The following HACE1 variants were observed in gnomAD, a reference collection of about 807,000 sequenced individuals.
HACE1 encodes the protein E3 ubiquitin-protein ligase HACE1.
A neutral mutation model predicts 118.4 loss-of-function variants in HACE1; 73 were observed. That is an observed-to-expected ratio of 0.62 (90% confidence interval 0.51 to 0.75). The LOEUF is 0.75. HACE1 is among the 30% of genes least tolerant of loss of function. The probability of loss-of-function intolerance (pLI) is 0.00; values close to 1 mark genes in which losing one functional copy is unlikely to be tolerated. For missense variants in HACE1, 749 were observed against 1,102.2 expected, an observed-to-expected ratio of 0.68 and a Z score of 4.54; for synonymous variants, 368 against 374.8, an observed-to-expected ratio of 0.98 and a Z score of 0.21.
At chr6:104,777,939 T>C (rs1486940903) in intron 14 of HACE1, among the ~76,000 whole-genome samples, 1 of 152,114 alleles carries the variant, frequency 6.6e-6, no homozygotes, top group Non-Finnish European at 1.5e-5. Flanking sequence ...TTTGTATTTT[T>C]AGTAGAGAGA....
intron 11 of HACE1, chr6:104,785,662 C>T (rs753317242): frequency 7.3e-5 from 18 of 245,924 alleles, no homozygotes; most frequent in Non-Finnish European, 1.3e-4. Context: ...TATATAATCA[C>T]CCTTAACATT....
rs770845513 is a variant in HACE1, at chr6:104,811,298, T to C, written c.617+13A>G. On this transcript the variant is annotated intron_variant, in intron 7 of 23. Coordinates refer to ENST00000262903, the MANE Select transcript of HACE1 (RefSeq NM_020771.4). The stretch of plus-strand genomic sequence containing the variant: ...TGAGCATATATAGCATCTGGAAATA[T>C]AAAATATCATACCTGCAAGCAAAGT... The C allele has an allele frequency of 4.2e-6, 4 of 949,142 alleles. No homozygotes were observed. The highest frequency in any genetic ancestry group is 6.7e-6 in the Non-Finnish European group (4 of 599,162). 58.8% of individuals were successfully genotyped at this position (949,142 alleles called of 1,614,324 possible).
intron 19 of HACE1, among the ~76,000 whole-genome samples, chr6:104,762,043 G>A (rs1268748121): frequency 6.6e-6 from 1 of 152,148 alleles, no homozygotes; most frequent in African/African-American, 2.4e-5. Context: ...AAAAAGTCAG[G>A]AAACAACAGA....
At chr6:104,830,828 G>A (rs1773791060) in intron 6 of HACE1, among the ~76,000 whole-genome samples, 1 of 143,354 alleles carries the variant, frequency 7.0e-6, no homozygotes, top group Admixed American at 7.3e-5. Context: ...AAACAGACCA[G>A]CATGGGGGTT....
chr6:104,831,302 T>C (rs1773844535), intron 6 of HACE1: 1 of 151,972 alleles, frequency 6.6e-6, no homozygotes, highest in African/African-American at 2.4e-5. Flanking sequence ...AGAAAGAAAA[T>C]AGCCAGGCAC....
At chr6:104,791,341 TAGAC>T (rs532881877) in intron 11 of HACE1, among the ~76,000 whole-genome samples, 159 bp downstream of exon 11, 108 of 152,348 alleles carry the variant, frequency 7.1e-4, no homozygotes, top group African/African-American at 2.4e-3. Flanking sequence ...TGCTGTTGAT[TAGAC>T]AGAGTTGAGA....
At chr6:104,759,139 G>C (rs1191129361) in intron 19 of HACE1, among the ~76,000 whole-genome samples, 1 of 152,150 alleles carries the variant, frequency 6.6e-6, no homozygotes, top group East Asian at 1.9e-4. Context: ...AGACAGATCA[G>C]TGAGACAGAA....
At chr6:104,848,005 C>G (rs921749695) in intron 4 of HACE1, among the ~76,000 whole-genome samples, 1 of 151,780 alleles carries the variant, frequency 6.6e-6, no homozygotes, top group Non-Finnish European at 1.5e-5. Context: ...GCATGTGCCA[C>G]CATGCCTGGA....
At chr6:104,837,591 T>A (rs1428705724) in intron 5 of HACE1, among the ~76,000 whole-genome samples, 3 of 151,626 alleles carry the variant, frequency 2.0e-5, no homozygotes, top group African/African-American at 7.3e-5. Flanking sequence ...AGGCAAAGAG[T>A]TCTTGATACC....
At chr6:104,744,746 A>G in intron 20 of HACE1, 136 bp from the exon 21 acceptor site, 3 of 650,468 alleles carry the variant, frequency 4.6e-6, no homozygotes, top group Non-Finnish European at 8.3e-6. Flanking sequence ...CCTGCATGTC[A>G]TCAACAACAA....
chr6:104,800,517 G>A (rs1234126373), intron 7 of HACE1, among the ~76,000 whole-genome samples: 2 of 152,128 alleles, frequency 1.3e-5, no homozygotes, highest in Non-Finnish European at 2.9e-5. Flanking sequence ...AGCTTCCAGA[G>A]GAAGGAACAG....
intron 11 of HACE1, chr6:104,787,516 A>G (rs557466838): frequency 6.6e-6 from 1 of 152,382 alleles, no homozygotes; most frequent in East Asian, 1.9e-4. Context: ...ATTTAGCTTT[A>G]TATCAGAAAA....
chr6:104,816,024 G>A (rs1386168332), intron 6 of HACE1, among the ~76,000 whole-genome samples: 1 of 150,566 alleles, frequency 6.6e-6, no homozygotes, highest in Non-Finnish European at 1.5e-5. Flanking sequence ...AGTGAGCCGA[G>A]ATCACTGCAT....
intron 1 of HACE1, among the ~76,000 whole-genome samples, chr6:104,856,335 C>CT (rs1439728504): frequency 6.6e-6 from 1 of 152,118 alleles, no homozygotes; most frequent in Non-Finnish European, 1.5e-5. Context: ...ATCACATATG[C>CT]TAAAATGGGC....
chr6:104,795,130 A>G (rs1292755187), intron 10 of HACE1, among the ~76,000 whole-genome samples: 1 of 152,182 alleles, frequency 6.6e-6, no homozygotes, highest in African/African-American at 2.4e-5. Flanking sequence ...AAACCACAGG[A>G]TCTTTTAGAA....
chr6:104,838,958 T>C (rs1025726976), intron 5 of HACE1, among the ~76,000 whole-genome samples: 13 of 145,214 alleles, frequency 9.0e-5, no homozygotes, highest in Admixed American at 5.5e-4. Flanking sequence ...TAGACACTTC[T>C]CAAAAGTAGA....
intron 17 of HACE1, among the ~76,000 whole-genome samples, chr6:104,775,220 C>T (rs1329388969): frequency 1.3e-5 from 2 of 151,956 alleles, no homozygotes; most frequent in South Asian, 2.1e-4. Flanking sequence ...ACTAGCCAGG[C>T]GCCATGGCTG....
At chr6:104,769,668 T>A (rs543835370) in intron 19 of HACE1, among the ~76,000 whole-genome samples, 6 of 152,340 alleles carry the variant, frequency 3.9e-5, no homozygotes, top group African/African-American at 1.4e-4. Context: ...TAATTTTGCA[T>A]ATAGTATGAA....
At chr6:104,823,433 A>G (rs1772994228) in intron 6 of HACE1, among the ~76,000 whole-genome samples, 2 of 148,644 alleles carry the variant, frequency 1.3e-5, no homozygotes, top group South Asian at 4.2e-4. Context: ...CTCTGTCTCA[A>G]AAAAAAAAAA....
Sources: gnomAD v4.1 joint callset for allele counts (sites outside exome capture counted in the v4.1 genomes callset) on GRCh38, gnomAD v4.1.1 for gene constraint, MANE v1.5 for transcripts, NCBI Gene and HGNC (gene_info 2026-07-23, HGNC 2026-07-21) for gene names.